BCKDHB: variants seen among roughly 807,000 people sequenced by gnomAD.
The protein encoded by BCKDHB is 2-oxoisovalerate dehydrogenase subunit beta, mitochondrial.
Under a neutral mutation model 48.5 loss-of-function variants are expected in BCKDHB, and 41 were observed. The ratio of observed to expected loss-of-function variants is 0.85; its 90% CI spans 0.66 to 1.10. The LOEUF is 1.10. Ranked by LOEUF, BCKDHB falls within the 50% of genes least tolerant of loss-of-function variation. The pLI is 0.00. For missense variants in BCKDHB, 496 were observed against 494.2 expected (o/e 1.00, Z -0.03); for synonymous variants, 201 against 174.8 (o/e 1.15, Z -1.18).
At chr6:80,421,694 C>T in the BCKDHB span, among the ~76,000 whole-genome samples, 1 of 152,256 alleles carries the variant, frequency 6.6e-6, no homozygotes, top group African/African-American at 2.4e-5. Context: ...TGGCATTTTG[C>T]TCCTGCCCTA....
At chr6:80,348,197 A>G (rs1425025426), downstream of BCKDHB, among the ~76,000 whole-genome samples, 2 of 148,350 alleles carry the variant, frequency 1.3e-5, no homozygotes, top group African/African-American at 2.6e-5. Flanking sequence ...ATAGCTAACT[A>G]AAAGTTCTGT....
the BCKDHB span, among the ~76,000 whole-genome samples, chr6:80,444,750 T>C: frequency 6.6e-6 from 1 of 152,204 alleles, no homozygotes; most frequent in Non-Finnish European, 1.5e-5. Context: ...ATGGCCACCA[T>C]AACACCTAGT....
At chr6:80,382,631 T>C in the BCKDHB span, among the ~76,000 whole-genome samples, 1 of 152,168 alleles carries the variant, frequency 6.6e-6, no homozygotes, top group Non-Finnish European at 1.5e-5. Context: ...GGATTGATTA[T>C]ATTCTTCCCA....
chr6:80,183,617 A>G (rs1218380629), intron 6 of BCKDHB, among the ~76,000 whole-genome samples: 1 of 152,144 alleles, frequency 6.6e-6, no homozygotes, highest in Admixed American at 6.5e-5. Context: ...CTCAAAGTCC[A>G]TGGTTTACAT....
intron 9 of BCKDHB, among the ~76,000 whole-genome samples, chr6:80,274,318 G>A (rs987250122): frequency 2.0e-5 from 3 of 151,912 alleles, no homozygotes; most frequent in Admixed American, 6.6e-5. Flanking sequence ...TGTAGTCACT[G>A]ATAGTAAGAA....
intron 8 of BCKDHB, among the ~76,000 whole-genome samples, chr6:80,255,760 T>A (rs137983871): frequency 1.7e-3 from 261 of 152,330 alleles, no homozygotes; most frequent in African/African-American, 6.0e-3. Context: ...GACTATATCT[T>A]AGCCTCCTGA....
At chr6:80,134,703 A>AT (rs1383944554) in intron 3 of BCKDHB, among the ~76,000 whole-genome samples, 1 of 151,462 alleles carries the variant, frequency 6.6e-6, no homozygotes, top group Non-Finnish European at 1.5e-5. Context: ...ATTTAATTTA[A>AT]TTTTTTCTTA....
At chr6:80,227,712 G>A (rs1391747303) in intron 8 of BCKDHB, among the ~76,000 whole-genome samples, 1 of 152,130 alleles carries the variant, frequency 6.6e-6, no homozygotes, top group African/African-American at 2.4e-5. Context: ...ATTCCTTAAA[G>A]GGAGTCCTGT....
the BCKDHB span, among the ~76,000 whole-genome samples, chr6:80,411,031 G>GT: frequency 6.6e-6 from 1 of 152,138 alleles, no homozygotes; most frequent in Non-Finnish European, 1.5e-5. Flanking sequence ...AGGTGCTCTG[G>GT]TTTTTGGAAT....
chr6:80,142,469 T>A (rs891210401), intron 3 of BCKDHB, among the ~76,000 whole-genome samples: 1 of 152,092 alleles, frequency 6.6e-6, no homozygotes, highest in African/African-American at 2.4e-5. Context: ...TATAGCTATA[T>A]ATTTAGCACT....
the BCKDHB span, among the ~76,000 whole-genome samples, chr6:80,410,467 A>G: frequency 2.6e-5 from 4 of 152,134 alleles, no homozygotes; most frequent in South Asian, 4.2e-4. Context: ...GGTGTTCTCT[A>G]TATTTCCTGA....
intron 8 of BCKDHB, among the ~76,000 whole-genome samples, chr6:80,226,858 G>A (rs1009668661): frequency 2.8e-4 from 43 of 152,192 alleles, no homozygotes; most frequent in African/African-American, 9.9e-4. Flanking sequence ...GTCGGACTCC[G>A]TAGTCTGGTT....
chr6:80,447,040 G>A, the BCKDHB span, among the ~76,000 whole-genome samples: 2 of 152,294 alleles, frequency 1.3e-5, no homozygotes, highest in South Asian at 2.1e-4. Context: ...AGATGGCAAT[G>A]CTCCTGCTCT....
At chr6:80,435,742 G>A in the BCKDHB span, among the ~76,000 whole-genome samples, 153 of 152,276 alleles carry the variant, frequency 1.0e-3, no homozygotes, top group Middle Eastern at 6.8e-3. Context: ...TAGGTCATAA[G>A]AGACTTTTCA....
Position 80,261,114 on chromosome 6 carries a change from G to A in BCKDHB, c.952-12021G>A, listed in dbSNP as rs574909503. Among the ~76,000 whole-genome samples, 8 of 152,240 alleles carry A rather than the reference G, an allele frequency of 5.3e-5. No homozygotes were observed. In the East Asian group the frequency reaches 9.7e-4, roughly 18 times the overall value. ...CTTGAGGTCATGAGATATTTGTTTC[G>A]TGACTCTTGCTAAATGAAAGCTCTT... On this transcript the variant is annotated intron_variant, in intron 8 of 9. Coordinates refer to ENST00000320393, the MANE Select transcript of BCKDHB (RefSeq NM_183050.4).
chr6:80,241,847 T>C (rs536937530), intron 8 of BCKDHB, among the ~76,000 whole-genome samples: 1 of 152,208 alleles, frequency 6.6e-6, no homozygotes, highest in Non-Finnish European at 1.5e-5. Flanking sequence ...CTTTCTGTAA[T>C]TGCTAATGAG....
At chr6:80,458,201 G>T in the BCKDHB span, among the ~76,000 whole-genome samples, 2 of 152,246 alleles carry the variant, frequency 1.3e-5, no homozygotes, top group South Asian at 4.1e-4. Flanking sequence ...AATTTTTTCT[G>T]CACAATTTCT....
chr6:80,316,964 T>G (rs1296215637), intron 9 of BCKDHB, among the ~76,000 whole-genome samples: 2 of 152,192 alleles, frequency 1.3e-5, no homozygotes, highest in Non-Finnish European at 2.9e-5. Flanking sequence ...AGAGCAGCAT[T>G]TCTCCAGAAA....
At chr6:80,174,531 C>A (rs1288798259) in intron 6 of BCKDHB, among the ~76,000 whole-genome samples, 1 of 152,100 alleles carries the variant, frequency 6.6e-6, no homozygotes, top group Non-Finnish European at 1.5e-5. Context: ...ATATTTTCCA[C>A]CCACATTTAG....
Sources: allele counts gnomAD v4.1 joint callset (sites outside exome capture counted in the v4.1 genomes callset), GRCh38; gene constraint gnomAD v4.1.1; transcripts MANE v1.5; gene names NCBI Gene and HGNC (gene_info 2026-07-23, HGNC 2026-07-21).